MRTFA: variants seen among roughly 807,000 people sequenced by gnomAD.
MRTFA encodes the protein myocardin related transcription factor A.
A neutral mutation model predicts 83.5 loss-of-function variants in MRTFA; 20 were observed. The observed-to-expected ratio is 0.24, with a 90% CI of 0.17 to 0.35. MRTFA has a LOEUF of 0.35. Ranked by LOEUF, MRTFA falls within the 10% of genes least tolerant of loss-of-function variation. MRTFA has a pLI of 1.00. For synonymous variants in MRTFA, 659 were observed against 541.2 expected (o/e 1.22, Z -3.02); for missense variants, 1,200 against 1,224.7 (o/e 0.98, Z 0.30).
intron 2 of MRTFA, among the ~76,000 whole-genome samples, chr22:40,562,728 G>C (rs1327322986): frequency 1.2e-5 from 1 of 83,542 alleles, no homozygotes; most frequent in Admixed American, 1.2e-4. Context: ...GGGGGAAGGG[G>C]GAAGGGGGGA....
chr22:40,524,974 A>AT (rs1057318516), intron 3 of MRTFA, among the ~76,000 whole-genome samples: 11 of 151,962 alleles, frequency 7.2e-5, no homozygotes, highest in Non-Finnish European at 1.3e-4. Flanking sequence ...CACCCAGCTA[A>AT]TTTTTTTGTA....
intron 1 of MRTFA, among the ~76,000 whole-genome samples, chr22:40,614,235 A>C (rs2056422224): frequency 6.6e-6 from 1 of 150,798 alleles, no homozygotes; most frequent in Non-Finnish European, 1.5e-5. Context: ...ATAAATAAAA[A>C]ATAAAAAAAA....
At chr22:40,499,178 G>C (rs1273320846) in intron 3 of MRTFA, among the ~76,000 whole-genome samples, 1 of 152,090 alleles carries the variant, frequency 6.6e-6, no homozygotes, top group Non-Finnish European at 1.5e-5. Flanking sequence ...TGTCATGCTT[G>C]GAACTTACAT....
intron 2 of MRTFA, chr22:40,569,756 CATACATACATACATACATA>C (rs2055759789): frequency 1.3e-5 from 2 of 151,180 alleles, no homozygotes; most frequent in South Asian, 2.1e-4. Context: ...TACATACATA[CATACATACATACATACATA>C]CATCAAGGGG....
chr22:40,434,320 T>G (rs1034793761), intron 5 of MRTFA, among the ~76,000 whole-genome samples: 8 of 152,008 alleles, frequency 5.3e-5, no homozygotes, highest in Non-Finnish European at 8.8e-5. Context: ...GACCTCATTC[T>G]TTCCACTTAC....
intron 1 of MRTFA, among the ~76,000 whole-genome samples, chr22:40,631,011 C>CAG (rs1369787267): frequency 1.3e-5 from 2 of 152,182 alleles, no homozygotes; most frequent in Non-Finnish European, 2.9e-5. Flanking sequence ...ACCCATTCTA[C>CAG]AGACAGAGAG....
At chr22:40,539,387 T>C (rs2055248645) in intron 3 of MRTFA, among the ~76,000 whole-genome samples, 1 of 150,860 alleles carries the variant, frequency 6.6e-6, no homozygotes, top group South Asian at 2.1e-4. Flanking sequence ...TCGCCCAGGC[T>C]GGAGTGCAGT....
intron 4 of MRTFA, among the ~76,000 whole-genome samples, chr22:40,453,106 T>C (rs1229180049): frequency 6.6e-6 from 1 of 152,176 alleles, no homozygotes; most frequent in Non-Finnish European, 1.5e-5. Flanking sequence ...AAAGAGAAGA[T>C]TCCTGAAGCC....
chr22:40,449,077 A>G (rs2053437502), intron 4 of MRTFA, among the ~76,000 whole-genome samples: 1 of 152,130 alleles, frequency 6.6e-6, no homozygotes, highest in Admixed American at 6.5e-5. Flanking sequence ...CATCCCGGCT[A>G]AAATAGTGAA....
chr22:40,437,387 C>T (rs1472934223), intron 4 of MRTFA, among the ~76,000 whole-genome samples: 1 of 152,186 alleles, frequency 6.6e-6, no homozygotes, highest in Non-Finnish European at 1.5e-5. Context: ...AAAACGGACA[C>T]TGTCCACCCC....
At chr22:40,521,251 T>C (rs1294360285) in intron 3 of MRTFA, among the ~76,000 whole-genome samples, 1 of 152,140 alleles carries the variant, frequency 6.6e-6, no homozygotes, top group Non-Finnish European at 1.5e-5. Context: ...TATAGCCACA[T>C]CTACTTTCAG....
chr22:40,552,201 T>G lies in MRTFA; in HGVS notation c.146A>C (p.Asn49Thr), dbSNP rs2055452819. The change falls in exon 3 of 15, where the codon AAT becomes ACT. Residue 49 changes from asparagine (N) to threonine (T), a missense_variant. Asn to Thr is a moderately conservative substitution (Grantham distance 65). Coordinates refer to ENST00000355630, the MANE Select transcript of MRTFA (RefSeq NM_020831.6). The stretch of plus-strand genomic sequence containing the variant: ...CTGCAAGGAGAGCTCCTGCAGTTCA[T>G]TGGCAACAGCTTCACTCTGGGGACT... 1 of 398,934 alleles carries G rather than the reference T, an allele frequency of 2.5e-6. No homozygotes were observed. Among genetic ancestry groups the G allele is most frequent in the Non-Finnish European group, 4.4e-6 (1 of 226,100 alleles). The allele number at this position is 398,934 out of a possible 1,614,324, so 24.7% of individuals were successfully genotyped here. A position where few individuals can be genotyped will look rare whatever the true frequency, so the allele number is the denominator to read the frequency against.
chr22:40,550,845 CTTT>C (rs1569323969), intron 3 of MRTFA, among the ~76,000 whole-genome samples: 2 of 72,494 alleles, frequency 2.8e-5, no homozygotes, highest in Non-Finnish European at 7.1e-5. Context: ...TCCATTTTTT[CTTT>C]TTTCTTTTTT....
Position 40,624,510 on chromosome 22 carries a change from T to G in MRTFA, c.-84+11968A>C, listed in dbSNP as rs139575292. Among the ~76,000 whole-genome samples, 1,466 of 151,978 alleles carry G rather than the reference T, an allele frequency of 9.6e-3. 25 individuals are homozygous for G. Among genetic ancestry groups the G allele is most frequent in the Middle Eastern group, 0.01 (3 of 292 alleles). Reference sequence around the variant, plus strand: ...AGCTAGTGAGCAATAGAGCCAGGATTAAAAACAGGTGCATTCAACCCCATC... The same window carrying G: ...AGCTAGTGAGCAATAGAGCCAGGATGAAAAACAGGTGCATTCAACCCCATC... On this transcript the variant is annotated intron_variant, in intron 1 of 14. Transcript: ENST00000355630.
intron 3 of MRTFA, among the ~76,000 whole-genome samples, chr22:40,491,729 C>T (rs1391564548): frequency 1.3e-5 from 2 of 152,088 alleles, no homozygotes; most frequent in African/African-American, 4.8e-5. Context: ...ATGAGCTCTG[C>T]ACGGTGGGGA....
At chr22:40,573,964 G>A (rs564102364) in intron 2 of MRTFA, among the ~76,000 whole-genome samples, 2 of 152,116 alleles carry the variant, frequency 1.3e-5, no homozygotes, top group East Asian at 3.9e-4. Flanking sequence ...TGCCCAGGCT[G>A]GTCTCGAATT....
chr22:40,459,830 C>CATATATACATAT (rs1555973837), intron 4 of MRTFA, among the ~76,000 whole-genome samples: 1 of 86,952 alleles, frequency 1.2e-5, no homozygotes, highest in South Asian at 5.2e-4. Flanking sequence ...CACATATATA[C>CATATATACATAT]ATATATATAT....
Position 40,411,342 on chromosome 22 carries a change from A to C in MRTFA, c.*48T>G. On this transcript the variant is annotated 3_prime_UTR_variant, in exon 15 of 15. Coordinates refer to ENST00000355630, the MANE Select transcript of MRTFA (RefSeq NM_020831.6). ...ATCACGCAGGAGAGCCACGCATTGG[A>C]GTACCCTGGCTCCCAGCCCCTTCCC... is the stretch of plus-strand genomic sequence containing the variant. The C allele has an allele frequency of 6.6e-7, 1 of 1,512,240 alleles. No individual in the cohort carries two copies. The highest frequency in any genetic ancestry group is 8.9e-7 in the Non-Finnish European group (1 of 1,123,006). 93.7% of individuals were successfully genotyped at this position (1,512,240 alleles called of 1,614,324 possible). A position where few individuals can be genotyped will look rare whatever the true frequency, so the allele number is the denominator to read the frequency against.
At chr22:40,514,650 GT>G (rs76594393) in intron 3 of MRTFA, among the ~76,000 whole-genome samples, 67,496 of 149,626 alleles carry the variant, frequency 0.45, 15,818 homozygotes, top group East Asian at 0.86. Context: ...ATTTTTGTAT[GT>G]TTTTTTTTAG....
Sources: gnomAD v4.1 joint callset for allele counts (sites outside exome capture counted in the v4.1 genomes callset) on GRCh38, gnomAD v4.1.1 for gene constraint, MANE v1.5 for transcripts, NCBI Gene and HGNC (gene_info 2026-07-23, HGNC 2026-07-21) for gene names.